Variants in ROBO1 observed in about 807,000 individuals in gnomAD.
The protein encoded by ROBO1 is roundabout guidance receptor 1.
A neutral mutation model predicts 195.9 loss-of-function variants in ROBO1; 149 were observed. The ratio of observed to expected loss-of-function variants is 0.76; its 90% CI spans 0.67 to 0.87. The LOEUF (loss-of-function observed/expected upper bound fraction) is 0.87, where lower values mean the gene tolerates loss of function less well. Ranked by LOEUF, ROBO1 falls within the 40% of genes least tolerant of loss-of-function variation. The probability of loss-of-function intolerance (pLI) is 0.00; values close to 1 mark genes in which losing one functional copy is unlikely to be tolerated. For missense variants in ROBO1, 1,933 were observed against 2,068.3 expected (o/e 0.93, Z 1.27); for synonymous variants, 816 against 733.2 (o/e 1.11, Z -1.82).
intron 8 of ROBO1, among the ~76,000 whole-genome samples, chr3:78,693,872 C>G (rs1213027942): frequency 6.6e-6 from 1 of 152,146 alleles, no homozygotes; most frequent in Non-Finnish European, 1.5e-5. Flanking sequence ...CGCAAATAGG[C>G]ATGAGTCACC....
chr3:78,776,872 A>G (rs1002616704), intron 4 of ROBO1, among the ~76,000 whole-genome samples: 5 of 152,226 alleles, frequency 3.3e-5, no homozygotes, highest in Non-Finnish European at 7.3e-5. Flanking sequence ...ACAAATAATT[A>G]AAACTTTATG....
intron 3 of ROBO1, among the ~76,000 whole-genome samples, chr3:79,105,356 G>C (rs895849342): frequency 6.6e-6 from 1 of 151,590 alleles, no homozygotes; most frequent in African/African-American, 2.4e-5. Flanking sequence ...TGCATTCAAA[G>C]GGAAACTGCA....
At chr3:79,006,146 G>T (rs2108170088) in intron 3 of ROBO1, among the ~76,000 whole-genome samples, 1 of 152,134 alleles carries the variant, frequency 6.6e-6, no homozygotes, top group South Asian at 2.1e-4. Context: ...CTCATCAAAG[G>T]GCTCGTGGTT....
At chr3:79,009,093 A>G (rs923914560) in intron 3 of ROBO1, among the ~76,000 whole-genome samples, 2 of 146,844 alleles carry the variant, frequency 1.4e-5, no homozygotes, top group African/African-American at 5.0e-5. Flanking sequence ...GGTGCCCACC[A>G]CAACGCCCAG....
intron 4 of ROBO1, among the ~76,000 whole-genome samples, chr3:78,890,637 A>C (rs1246383841): frequency 6.6e-6 from 1 of 152,156 alleles, no homozygotes; most frequent in Non-Finnish European, 1.5e-5. Flanking sequence ...CTTTGAACTT[A>C]CTTTTTTAGT....
At chr3:79,666,361 A>G (rs1946475318) in intron 1 of ROBO1, among the ~76,000 whole-genome samples, 1 of 152,018 alleles carries the variant, frequency 6.6e-6, no homozygotes, top group Admixed American at 6.6e-5. Flanking sequence ...GGAATTATTA[A>G]CAATTGATTA....
chr3:79,597,963 T>G (rs561404586), intron 1 of ROBO1, among the ~76,000 whole-genome samples: 33 of 151,442 alleles, frequency 2.2e-4, no homozygotes, highest in African/African-American at 7.7e-4. Flanking sequence ...TCACGGCCGT[T>G]TTGTTTGGAC....
At position 78,689,892 on chromosome 3, in the gene ROBO1, A is replaced by G. The variant is rs574404749; in HGVS notation, c.1046-1120T>C. On this transcript the variant is annotated intron_variant, in intron 8 of 30. Coordinates refer to ENST00000464233, the MANE Select transcript of ROBO1 (RefSeq NM_002941.4). ...CACAAATGTCATCAGTCTGCTCACA[A>G]GAGTATAATTTCTTTGTTAATGAAG... 7.2e-5 allele frequency among the ~76,000 whole-genome samples: 11 copies of G among 151,932 alleles called. No individual in the cohort carries two copies. The South Asian group carries it at 2.3e-3, about 32-fold the overall frequency.
intron 8 of ROBO1, among the ~76,000 whole-genome samples, chr3:78,694,541 G>C (rs1229985504): frequency 6.6e-6 from 1 of 152,130 alleles, no homozygotes; most frequent in Non-Finnish European, 1.5e-5. Flanking sequence ...TTTCATTACA[G>C]AGAAAACAAA....
At chr3:79,504,920 G>A (rs1262943659) in intron 2 of ROBO1, among the ~76,000 whole-genome samples, 5 of 151,828 alleles carry the variant, frequency 3.3e-5, no homozygotes, top group Non-Finnish European at 7.4e-5. Flanking sequence ...TGAAGTTCTG[G>A]CATAATTTTC....
chr3:78,954,370 TC>T (rs2040936858), intron 3 of ROBO1, among the ~76,000 whole-genome samples: 1 of 152,114 alleles, frequency 6.6e-6, no homozygotes, highest in South Asian at 2.1e-4. Context: ...GTTTTTCATC[TC>T]CTTTTCATTA....
intron 2 of ROBO1, among the ~76,000 whole-genome samples, chr3:79,405,210 C>T (rs2037501018): frequency 6.6e-6 from 1 of 152,024 alleles, no homozygotes; most frequent in African/African-American, 2.4e-5. Context: ...CTATGATGTA[C>T]TATGTAGTTT....
rs1265153487 is a variant in ROBO1 at position 78,659,717 on chromosome 3, T to A, written c.2411A>T (p.Asp804Val). 1 of 1,562,482 alleles carries A rather than the reference T, an allele frequency of 6.4e-7. No individual in the cohort carries two copies. The highest frequency in any genetic ancestry group is 1.4e-5 in the African/African-American group (1 of 73,688). The change falls in exon 17 of 31, where the codon GAC becomes GTC. Residue 804 changes from aspartate (D) to valine (V), a missense_variant. Around this residue, in one of 3 missense-constraint regions of ROBO1, gnomAD observed 1,737 missense variants for 1,882.5 expected, o/e 0.92. Coordinates refer to ENST00000464233, the MANE Select transcript of ROBO1 (RefSeq NM_002941.4). ...CTCTTGGACCATTCCATTTTGAGTGTCTTCTGGAGGTGGCTGCCAACTAAC... is the reference window on the plus strand; with the variant it reads ...CTCTTGGACCATTCCATTTTGAGTGACTTCTGGAGGTGGCTGCCAACTAAC... ...ILVSWQPPPE[D>V]TQNGMVQEYK...
At chr3:79,348,457 C>T (rs904197716) in intron 2 of ROBO1, among the ~76,000 whole-genome samples, 1 of 152,108 alleles carries the variant, frequency 6.6e-6, no homozygotes. Context: ...CAAAGTCTTC[C>T]TCCAAATGTT....
At chr3:79,128,696 C>G (rs2080263284) in intron 2 of ROBO1, among the ~76,000 whole-genome samples, 1 of 152,072 alleles carries the variant, frequency 6.6e-6, no homozygotes, top group African/African-American at 2.4e-5. Flanking sequence ...GTCAGATGGA[C>G]CCCCATAACA....
In ROBO1 at chr3:79,105,269, A is replaced by C. The variant is rs2079756874; in HGVS notation, c.172+20187T>G. Among the ~76,000 whole-genome samples, 3 of 151,804 alleles carry C rather than the reference A, an allele frequency of 2.0e-5. No homozygotes were observed. In the Admixed American group the frequency reaches 2.0e-4, roughly 10 times the overall value. ...AGAATTCCTGAGAATCAACAGAAAA[A>C]GAACCATGAGTGTAAGGGCAAGATG... On this transcript the variant is annotated intron_variant, in intron 3 of 30. Coordinates refer to ENST00000464233, the MANE Select transcript of ROBO1 (RefSeq NM_002941.4).
At chr3:78,947,980 T>C (rs977016970) in intron 3 of ROBO1, among the ~76,000 whole-genome samples, 2 of 152,090 alleles carry the variant, frequency 1.3e-5, no homozygotes, top group Non-Finnish European at 2.9e-5. Context: ...CAGGAAGAAG[T>C]TGAATCTCTG....
At chr3:78,735,296 G>A (rs1017074200) in intron 5 of ROBO1, among the ~76,000 whole-genome samples, 2 of 152,120 alleles carry the variant, frequency 1.3e-5, no homozygotes, top group Non-Finnish European at 1.5e-5. Flanking sequence ...TGACTACTGT[G>A]GTTTGATTCT....
At chr3:79,326,236 C>T (rs1478038576) in intron 2 of ROBO1, among the ~76,000 whole-genome samples, 3 of 152,168 alleles carry the variant, frequency 2.0e-5, no homozygotes, top group African/African-American at 7.2e-5. Flanking sequence ...GCCCTGCCTC[C>T]ATTTGCCTTG....
Sources: gnomAD v4.1 joint callset for allele counts (sites outside exome capture counted in the v4.1 genomes callset) on GRCh38, gnomAD v4.1.1 for gene constraint, gnomAD v4.1.1 regional missense constraint, MANE v1.5 for transcripts, NCBI Gene and HGNC (gene_info 2026-07-23, HGNC 2026-07-21) for gene names.